Variants in FRK observed in about 807,000 individuals in gnomAD.
FRK encodes the protein fyn related Src family tyrosine kinase, also known as tyrosine-protein kinase FRK.
A neutral mutation model predicts 56.4 loss-of-function variants in FRK; 51 were observed. The ratio of observed to expected loss-of-function variants is 0.90; its 90% CI spans 0.72 to 1.14. The LOEUF (loss-of-function observed/expected upper bound fraction) is 1.14. Among genes scored for constraint, FRK ranks in the 50% most tolerant of loss-of-function variants. The pLI, the probability that FRK is intolerant of heterozygous loss-of-function variation, is 0.00. For synonymous variants in FRK, 245 were observed against 217.9 expected, an observed-to-expected ratio of 1.12 and a Z score of -1.10; for missense variants, 570 against 601.4, an observed-to-expected ratio of 0.95 and a Z score of 0.55.
chr6:115,967,702 T>G lies in FRK; in HGVS notation c.648A>C (p.Pro216=). ...KPCLKIQVPA[P]FDLSYKTVDQ... ...CCACGGTTTTATACGACAAATCAAATGGAGCTGGGACCTGGATCTGTTTCA... is the reference window on the plus strand; with the variant it reads ...CCACGGTTTTATACGACAAATCAAAGGGAGCTGGGACCTGGATCTGTTTCA... Residue 216 remains proline (P), a synonymous_variant, in exon 4 of 8, where the codon CCA becomes CCC. Coordinates refer to ENST00000606080, the MANE Select transcript of FRK (RefSeq NM_002031.3). 6.2e-7 allele frequency: 1 copy of G among 1,608,528 alleles called. No individual in the cohort carries two copies. Among genetic ancestry groups the G allele is most frequent in the Non-Finnish European group, 8.5e-7 (1 of 1,177,000 alleles).
the FRK span, among the ~76,000 whole-genome samples, chr6:116,097,054 T>C: frequency 6.6e-6 from 1 of 152,182 alleles, no homozygotes; most frequent in Non-Finnish European, 1.5e-5. Flanking sequence ...TTCTTCTTCT[T>C]GTGGTAAGAA....
At chr6:116,090,726 T>C in the FRK span, among the ~76,000 whole-genome samples, 1 of 152,140 alleles carries the variant, frequency 6.6e-6, no homozygotes, top group South Asian at 2.1e-4. Flanking sequence ...TTAGCCCTTC[T>C]GCAATTTAGA....
chr6:116,028,332 T>C (rs1776173932), intron 1 of FRK, among the ~76,000 whole-genome samples: 1 of 152,314 alleles, frequency 6.6e-6, no homozygotes, highest in Non-Finnish European at 1.5e-5. Context: ...GTCTTTTGAT[T>C]ATTTAAAAAC....
chr6:116,000,292 G>C (rs920007716), intron 2 of FRK, among the ~76,000 whole-genome samples: 3 of 122,004 alleles, frequency 2.5e-5, no homozygotes, highest in African/African-American at 9.4e-5. Context: ...ACCCAGGATG[G>C]AGTACAATGG....
intron 1 of FRK, among the ~76,000 whole-genome samples, chr6:116,006,752 G>A (rs1289590064): frequency 2.0e-5 from 3 of 152,182 alleles, no homozygotes; most frequent in Non-Finnish European, 1.5e-5. Context: ...GAGCCCAGGA[G>A]TTCAAGGCTG....
At chr6:116,029,035 C>A (rs1323835255) in intron 1 of FRK, among the ~76,000 whole-genome samples, 1 of 152,086 alleles carries the variant, frequency 6.6e-6, no homozygotes, top group Non-Finnish European at 1.5e-5. Context: ...TCCAGCCACA[C>A]CAAGCTCCTC....
At chr6:116,073,994 A>G in the FRK span, among the ~76,000 whole-genome samples, 1 of 152,172 alleles carries the variant, frequency 6.6e-6, no homozygotes, top group African/African-American at 2.4e-5. Context: ...AGGAGCCAAG[A>G]GCACCTGCTT....
rs1483971091 is a variant in FRK, at chr6:116,058,538, A to G, written c.344+1430T>C. Among the ~76,000 whole-genome samples, 3 of 152,222 alleles carry G rather than the reference A, an allele frequency of 2.0e-5. No individual in the cohort carries two copies. The South Asian group carries it at 6.2e-4, about 32-fold the overall frequency. ...TTCCCTGGACCAGTAAGGGACGCTC[A>G]CATAAAAATAAGAAACACTTACATG... On this transcript the variant is annotated intron_variant, in intron 1 of 7. Transcript: ENST00000606080.
intron 2 of FRK, among the ~76,000 whole-genome samples, chr6:116,000,219 C>CTTT (rs1562278724): frequency 1.9e-5 from 1 of 53,360 alleles, no homozygotes; most frequent in African/African-American, 9.3e-5. Context: ...AAATATCATT[C>CTTT]TTTCTTTTTT....
intron 1 of FRK, among the ~76,000 whole-genome samples, chr6:116,055,969 G>A (rs1777381002): frequency 6.6e-6 from 1 of 152,154 alleles, no homozygotes; most frequent in Non-Finnish European, 1.5e-5. Context: ...GCAAAGGGGA[G>A]TCAAATCAGC....
At chr6:116,074,776 G>C in the FRK span, among the ~76,000 whole-genome samples, 1 of 152,072 alleles carries the variant, frequency 6.6e-6, no homozygotes, top group Admixed American at 6.6e-5. Flanking sequence ...CCCTATGAAG[G>C]GATGTGAAAA....
At chr6:116,045,455 A>G (rs900462066) in intron 1 of FRK, among the ~76,000 whole-genome samples, 3 of 152,214 alleles carry the variant, frequency 2.0e-5, no homozygotes, top group African/African-American at 7.2e-5. Flanking sequence ...CTGATCTTTA[A>G]CAAACCTGAC....
At chr6:115,997,468 G>T (rs1774884958) in intron 2 of FRK, among the ~76,000 whole-genome samples, 2 of 151,208 alleles carry the variant, frequency 1.3e-5, no homozygotes, top group South Asian at 4.2e-4. Flanking sequence ...ATGGCTATTT[G>T]TATGTTCACT....
chr6:115,942,973 G>A (rs1772252724), intron 7 of FRK, 47 bp downstream of exon 7: 14 of 1,571,474 alleles, frequency 8.9e-6, no homozygotes, highest in Non-Finnish European at 1.1e-5. Flanking sequence ...TCACACCTAA[G>A]TAAGTGACAT....
At chr6:115,991,825 G>A (rs553044029) in intron 2 of FRK, among the ~76,000 whole-genome samples, 1 of 151,602 alleles carries the variant, frequency 6.6e-6, no homozygotes, top group East Asian at 1.9e-4. Context: ...CAATTTTTTT[G>A]AATAGCTGCA....
chr6:115,947,359 T>C (rs1475305213), intron 5 of FRK, among the ~76,000 whole-genome samples: 1 of 151,378 alleles, frequency 6.6e-6, no homozygotes, highest in South Asian at 2.1e-4. Context: ...TGTGTACACA[T>C]ATATATTTAC....
intron 2 of FRK, among the ~76,000 whole-genome samples, chr6:115,972,318 C>T (rs937204269): frequency 2.0e-5 from 3 of 152,176 alleles, no homozygotes; most frequent in African/African-American, 7.2e-5. Flanking sequence ...GAGAGAGAAG[C>T]TGGTGCCCTA....
At chr6:116,080,357 T>A in the FRK span, among the ~76,000 whole-genome samples, 1 of 152,140 alleles carries the variant, frequency 6.6e-6, no homozygotes, top group Non-Finnish European at 1.5e-5. Flanking sequence ...GGTTTCACCA[T>A]GTTAGCCAGG....
intron 1 of FRK, among the ~76,000 whole-genome samples, chr6:116,057,222 C>A (rs1436961253): frequency 6.6e-6 from 1 of 152,124 alleles, no homozygotes; most frequent in African/African-American, 2.4e-5. Flanking sequence ...AATAATCTTT[C>A]CTTAAGTCAA....
Sources: gnomAD v4.1 joint callset for allele counts (sites outside exome capture counted in the v4.1 genomes callset) on GRCh38, gnomAD v4.1.1 for gene constraint, MANE v1.5 for transcripts, NCBI Gene and HGNC (gene_info 2026-07-23, HGNC 2026-07-21) for gene names.